CCSER1: variants seen among roughly 807,000 people sequenced by gnomAD.
CCSER1 encodes the protein coiled-coil serine rich protein 1.
CCSER1 carries 41 observed loss-of-function variants against 82.0 expected under a neutral mutation model. The ratio of observed to expected loss-of-function variants is 0.50; its 90% CI spans 0.39 to 0.65. The LOEUF (loss-of-function observed/expected upper bound fraction) is 0.65, where lower values mean the gene tolerates loss of function less well. Among genes scored for constraint, CCSER1 ranks in the 30% least tolerant of loss-of-function variants. The pLI, the probability that CCSER1 is intolerant of heterozygous loss-of-function variation, is 0.00. For synonymous variants in CCSER1, 414 were observed against 383.9 expected (o/e 1.08, Z -0.92); for missense variants, 1,119 against 1,064.2 (o/e 1.05, Z -0.72).
intron 4 of CCSER1, among the ~76,000 whole-genome samples, chr4:90,400,636 C>T (rs1403644672): frequency 1.3e-5 from 2 of 152,082 alleles, no homozygotes; most frequent in African/African-American, 4.8e-5. Flanking sequence ...CATATACACA[C>T]ACATAGAGTT....
At chr4:90,888,711 T>A (rs942820091) in intron 8 of CCSER1, among the ~76,000 whole-genome samples, 1 of 152,100 alleles carries the variant, frequency 6.6e-6, no homozygotes, top group Non-Finnish European at 1.5e-5. Flanking sequence ...GGCCTAGAGA[T>A]ACAAGTGAAA....
chr4:90,162,743 T>A (rs1354061266), intron 1 of CCSER1, among the ~76,000 whole-genome samples: 1 of 152,124 alleles, frequency 6.6e-6, no homozygotes, highest in African/African-American at 2.4e-5. Flanking sequence ...TTTTGACCTG[T>A]GACCAAAAAA....
chr4:91,287,206 A>G (rs1372328064), intron 10 of CCSER1, among the ~76,000 whole-genome samples: 1 of 151,900 alleles, frequency 6.6e-6, no homozygotes, highest in East Asian at 1.9e-4. Flanking sequence ...TCAAGAAAAA[A>G]GTCAGGAAAA....
intron 9 of CCSER1, among the ~76,000 whole-genome samples, chr4:91,032,673 G>T (rs1276776076): frequency 6.6e-6 from 1 of 152,170 alleles, no homozygotes; most frequent in Non-Finnish European, 1.5e-5. Context: ...AGATACTGAA[G>T]ATTTTTACTT....
At chr4:91,584,490 T>C (rs1763892068) in intron 10 of CCSER1, among the ~76,000 whole-genome samples, 1 of 151,502 alleles carries the variant, frequency 6.6e-6, no homozygotes, top group South Asian at 2.1e-4. Flanking sequence ...TAGATCACTT[T>C]TATATCAATA....
intron 7 of CCSER1, among the ~76,000 whole-genome samples, chr4:90,764,793 C>A (rs1207680592): frequency 6.6e-6 from 1 of 151,918 alleles, no homozygotes; most frequent in East Asian, 1.9e-4. Flanking sequence ...AGCTCCCAAC[C>A]CATGATTTCC....
At chr4:90,835,967 T>G (rs1191967992) in intron 8 of CCSER1, among the ~76,000 whole-genome samples, 1 of 152,196 alleles carries the variant, frequency 6.6e-6, no homozygotes, top group Non-Finnish European at 1.5e-5. Flanking sequence ...AGACTCTGCT[T>G]TGTGAATCTG....
At chr4:91,217,129 C>A (rs553619673) in intron 10 of CCSER1, among the ~76,000 whole-genome samples, 1 of 152,040 alleles carries the variant, frequency 6.6e-6, no homozygotes, top group Non-Finnish European at 1.5e-5. Context: ...AAGCTGCAGA[C>A]CTTCACGGTG....
chr4:91,241,554 C>A (rs1739366991), intron 10 of CCSER1, among the ~76,000 whole-genome samples: 1 of 141,308 alleles, frequency 7.1e-6, no homozygotes, highest in African/African-American at 2.5e-5. Context: ...TCTCGATCTC[C>A]TGACCTCTTG....
At chr4:91,088,088 T>TA (rs2148820567) in intron 10 of CCSER1, among the ~76,000 whole-genome samples, 1 of 152,242 alleles carries the variant, frequency 6.6e-6, no homozygotes, top group South Asian at 2.1e-4. Flanking sequence ...TGTGTGTGCA[T>TA]AACAAGATGT....
chr4:90,574,292 C>T (rs1288934766), intron 5 of CCSER1, among the ~76,000 whole-genome samples: 66 of 112,488 alleles, frequency 5.9e-4, no homozygotes, highest in African/African-American at 2.5e-3. Flanking sequence ...GACGGAGTCT[C>T]GCTCTGTCGC....
At chr4:90,334,909 C>T (rs1740090616) in intron 3 of CCSER1, among the ~76,000 whole-genome samples, 1 of 152,110 alleles carries the variant, frequency 6.6e-6, no homozygotes, top group African/African-American at 2.4e-5. Context: ...TAGTCACAAA[C>T]CAAACTGTCA....
intron 5 of CCSER1, among the ~76,000 whole-genome samples, chr4:90,495,611 A>T (rs949757626): frequency 6.6e-6 from 1 of 152,228 alleles, no homozygotes; most frequent in Non-Finnish European, 1.5e-5. Context: ...ACTAATTTTT[A>T]TATGGATACT....
At chr4:91,077,369 C>A (rs1722111792) in intron 9 of CCSER1, among the ~76,000 whole-genome samples, 1 of 151,970 alleles carries the variant, frequency 6.6e-6, no homozygotes, top group South Asian at 2.1e-4. Context: ...AAATGTAACA[C>A]TAAATAAAAT....
chr4:90,532,857 C>T (rs1429507077), intron 5 of CCSER1, among the ~76,000 whole-genome samples: 1 of 152,126 alleles, frequency 6.6e-6, no homozygotes, highest in Admixed American at 6.5e-5. Context: ...CTACTTCTCC[C>T]AAGTATCTAT....
chr4:90,970,497 A>G (rs745846669), intron 9 of CCSER1, among the ~76,000 whole-genome samples: 1 of 152,038 alleles, frequency 6.6e-6, no homozygotes, highest in African/African-American at 2.4e-5. Flanking sequence ...ACAGAAATAC[A>G]ATAGTAGAAG....
chr4:91,336,022 C>A (rs965710049), intron 10 of CCSER1, among the ~76,000 whole-genome samples: 1 of 151,990 alleles, frequency 6.6e-6, no homozygotes, highest in African/African-American at 2.4e-5. Context: ...TTGTAAAGGG[C>A]AAATTCAGCA....
intron 10 of CCSER1, among the ~76,000 whole-genome samples, chr4:91,131,198 C>T (rs188135513): frequency 6.6e-6 from 1 of 152,014 alleles, no homozygotes; most frequent in East Asian, 1.9e-4. Context: ...ATTTTCCCAA[C>T]TGTTCTGAAA....
rs554349933 is a variant in CCSER1 at position 91,376,194 on chromosome 4, G to A, written c.2218-222378G>A. On this transcript the variant is annotated intron_variant, in intron 10 of 10. Transcript: ENST00000509176. ...CAAAGACCCAACAGGAAATACAGTC[G>A]TGTGTCCCTTAATGACAGAGATACG... Among the ~76,000 whole-genome samples, 10 of 152,264 alleles carry A rather than the reference G, an allele frequency of 6.6e-5. No homozygotes were observed. In the South Asian group the frequency reaches 1.2e-3, roughly 19 times the overall value.
Sources: allele counts gnomAD v4.1 joint callset (sites outside exome capture counted in the v4.1 genomes callset), GRCh38; gene constraint gnomAD v4.1.1; transcripts MANE v1.5; gene names NCBI Gene and HGNC (gene_info 2026-07-23, HGNC 2026-07-21).